ERBB4: variants seen among roughly 807,000 people sequenced by gnomAD.
The protein encoded by ERBB4 is receptor tyrosine-protein kinase erbB-4.
Under a neutral mutation model 158.0 loss-of-function variants are expected in ERBB4, and 42 were observed. That is an observed-to-expected ratio of 0.27 (90% CI 0.21 to 0.34). The LOEUF is 0.34. Ranked by LOEUF, ERBB4 falls within the 10% of genes least tolerant of loss-of-function variation. The pLI is 1.00. For missense variants in ERBB4, 1,333 were observed against 1,624.1 expected (o/e 0.82, Z 3.08); for synonymous variants, 583 against 558.7 (o/e 1.04, Z -0.61).
At chr2:212,239,547 T>C (rs1454279540) in intron 1 of ERBB4, among the ~76,000 whole-genome samples, 1 of 152,184 alleles carries the variant, frequency 6.6e-6, no homozygotes, top group Admixed American at 6.5e-5. Context: ...CATCTTCCTC[T>C]GAACTAGTGA....
At chr2:211,944,174 A>AGTG in intron 3 of ERBB4, among the ~76,000 whole-genome samples, 1 of 41,364 alleles carries the variant, frequency 2.4e-5, no homozygotes, top group African/African-American at 1.1e-4. Context: ...CTATATATAT[A>AGTG]TACTATATAT....
intron 3 of ERBB4, among the ~76,000 whole-genome samples, chr2:211,857,050 A>G (rs2077885655): frequency 2.0e-5 from 3 of 152,242 alleles, no homozygotes; most frequent in African/African-American, 4.8e-5. Context: ...GTTAAAATGT[A>G]TATCTTGAAA....
rs190458672 is a variant in ERBB4 at position 212,001,633 on chromosome 2, C to T, written c.235-54017G>A. 9.3e-4 allele frequency among the ~76,000 whole-genome samples: 141 copies of T among 152,302 alleles called. 1 individual carries two copies. Among genetic ancestry groups the T allele is most frequent in the African/African-American group, 3.2e-3 (135 of 41,576 alleles). On this transcript the variant is annotated intron_variant, in intron 2 of 27. Transcript: ENST00000342788. Reference sequence around the variant, plus strand: ...GTGTACAGCATAGCTTGAATGAGAACCACACTTTTTAAGAAAAGTCTTTTG... The same window carrying T: ...GTGTACAGCATAGCTTGAATGAGAATCACACTTTTTAAGAAAAGTCTTTTG...
At chr2:211,776,815 A>C (rs934725444) in intron 4 of ERBB4, among the ~76,000 whole-genome samples, 2 of 152,240 alleles carry the variant, frequency 1.3e-5, no homozygotes, top group African/African-American at 4.8e-5. Context: ...TTTCAGAGGG[A>C]TATGCTCAAG....
At chr2:212,347,030 G>C (rs1505358) in intron 1 of ERBB4, among the ~76,000 whole-genome samples, 148,333 of 152,246 alleles carry the variant, frequency 0.97, 72,309 homozygotes, top group Middle Eastern at 1. Flanking sequence ...ATGAACTTGT[G>C]TGGCACTGCC....
At chr2:211,509,942 A>G (rs2065847821) in intron 20 of ERBB4, among the ~76,000 whole-genome samples, 1 of 152,144 alleles carries the variant, frequency 6.6e-6, no homozygotes, top group Non-Finnish European at 1.5e-5. Context: ...TCAAAAAACA[A>G]CAGATGCTAT....
intron 16 of ERBB4, among the ~76,000 whole-genome samples, chr2:211,630,917 T>C (rs1440737389): frequency 6.6e-6 from 1 of 152,132 alleles, no homozygotes; most frequent in Non-Finnish European, 1.5e-5. Flanking sequence ...GACATTGGTG[T>C]TGGCGCATTT....
At chr2:211,813,049 A>G (rs1399108768) in intron 3 of ERBB4, among the ~76,000 whole-genome samples, 2 of 152,182 alleles carry the variant, frequency 1.3e-5, no homozygotes, top group African/African-American at 4.8e-5. Flanking sequence ...TGTGGGCTAC[A>G]TCTACTGTCC....
At chr2:212,191,799 TTA>T (rs577574518) in intron 1 of ERBB4, among the ~76,000 whole-genome samples, 4 of 136,296 alleles carry the variant, frequency 2.9e-5, no homozygotes, top group East Asian at 2.0e-4. Context: ...GTTCTATATG[TTA>T]TATATAATAC....
intron 16 of ERBB4, among the ~76,000 whole-genome samples, chr2:211,645,144 A>T (rs766141157): frequency 6.6e-6 from 1 of 151,824 alleles, no homozygotes; most frequent in Non-Finnish European, 1.5e-5. Context: ...AAACGACTCT[A>T]GAGAACAAAA....
At chr2:212,052,359 G>T (rs1261899703) in intron 2 of ERBB4, among the ~76,000 whole-genome samples, 1 of 152,170 alleles carries the variant, frequency 6.6e-6, no homozygotes, top group African/African-American at 2.4e-5. Context: ...TTGGGGCTCA[G>T]ACTGGCTTCC....
At chr2:212,466,287 A>C (rs1039531460) in intron 1 of ERBB4, among the ~76,000 whole-genome samples, 13 of 152,202 alleles carry the variant, frequency 8.5e-5, no homozygotes, top group African/African-American at 3.1e-4. Context: ...ATGTGGATTG[A>C]AAATACTGTA....
At chr2:212,117,461 A>G (rs1490134881) in intron 2 of ERBB4, among the ~76,000 whole-genome samples, 1 of 152,152 alleles carries the variant, frequency 6.6e-6, no homozygotes, top group East Asian at 1.9e-4. Context: ...GACATGGAAG[A>G]AAAACATAGA....
chr2:211,616,609 T>C lies in ERBB4; in HGVS notation c.2301+2568A>G, dbSNP rs574360096. Among the ~76,000 whole-genome samples the C allele has an allele frequency of 1.7e-3, 254 of 152,280 alleles. 1 individual carries two copies. Among genetic ancestry groups the C allele is most frequent in the African/African-American group, 5.8e-3 (241 of 41,580 alleles). ...GAGCTAAAAATGTAGGTATGAAATATAGGCTTATGTTTATGTTAAAATTAG... is the reference window on the plus strand; with the variant it reads ...GAGCTAAAAATGTAGGTATGAAATACAGGCTTATGTTTATGTTAAAATTAG... On this transcript the variant is annotated intron_variant, in intron 19 of 27. Coordinates refer to ENST00000342788, the MANE Select transcript of ERBB4 (RefSeq NM_005235.3).
intron 3 of ERBB4, among the ~76,000 whole-genome samples, chr2:211,847,647 T>G (rs1290173526): frequency 6.6e-6 from 1 of 152,112 alleles, no homozygotes; most frequent in East Asian, 1.9e-4. Flanking sequence ...TTTTTGCAAT[T>G]TTTTTGGCTC....
intron 3 of ERBB4, among the ~76,000 whole-genome samples, chr2:211,818,229 GA>G (rs2076919827): frequency 6.6e-6 from 1 of 151,882 alleles, no homozygotes; most frequent in Non-Finnish European, 1.5e-5. Flanking sequence ...TAAGTATTAG[GA>G]AAAAAATATC....
rs1332598962 is a variant in ERBB4, at chr2:211,704,211, GAA to G, written c.1199-19_1199-18del. On this transcript the variant is annotated intron_variant, in intron 10 of 27. Transcript: ENST00000342788. ...TCAGGAAACCTACAAGTGAAGAGTA[GAA>G]AAAATAAATCAGAATATCATTGTCT... 6.7e-7 allele frequency: 1 copy of G among 1,482,100 alleles called. No homozygotes were observed. Among genetic ancestry groups the G allele is most frequent in the African/African-American group, 1.4e-5 (1 of 72,456 alleles). 91.8% of individuals were successfully genotyped at this position (1,482,100 alleles called of 1,614,324 possible). A position where few individuals can be genotyped will look rare whatever the true frequency, so the allele number is the denominator to read the frequency against.
chr2:212,040,547 T>C (rs996274500), intron 2 of ERBB4, among the ~76,000 whole-genome samples: 2 of 152,158 alleles, frequency 1.3e-5, no homozygotes, highest in Non-Finnish European at 2.9e-5. Flanking sequence ...TCTAGCCCTT[T>C]TTTGTTAATT....
intron 12 of ERBB4, among the ~76,000 whole-genome samples, chr2:211,683,030 C>A (rs993241552): frequency 1.3e-5 from 2 of 151,174 alleles, no homozygotes; most frequent in Non-Finnish European, 2.9e-5. Context: ...TGTTTTTCTG[C>A]ATATGTGGCT....
Sources: gnomAD v4.1 joint callset for allele counts (sites outside exome capture counted in the v4.1 genomes callset) on GRCh38, gnomAD v4.1.1 for gene constraint, MANE v1.5 for transcripts, NCBI Gene and HGNC (gene_info 2026-07-23, HGNC 2026-07-21) for gene names.